The following MAST2 variants were observed in gnomAD, a reference collection of about 807,000 sequenced individuals.
MAST2 encodes the protein microtubule-associated serine/threonine-protein kinase 2.
Under a neutral mutation model 147.4 loss-of-function variants are expected in MAST2, and 70 were observed. The observed-to-expected ratio is 0.47, with a 90% CI of 0.39 to 0.58. The LOEUF (loss-of-function observed/expected upper bound fraction) is 0.58. Ranked by LOEUF, MAST2 falls within the 20% of genes least tolerant of loss-of-function variation. The pLI is 0.00. For missense variants in MAST2, 2,080 were observed against 2,302.3 expected, an observed-to-expected ratio of 0.90 and a Z score of 1.98; for synonymous variants, 869 against 896.8, an observed-to-expected ratio of 0.97 and a Z score of 0.55.
chr1:45,978,728 C>CA (rs2149041299), intron 5 of MAST2, among the ~76,000 whole-genome samples: 1 of 152,242 alleles, frequency 6.6e-6, no homozygotes, highest in African/African-American at 2.4e-5. Flanking sequence ...AACTAGAACA[C>CA]AAACGGACAC....
intron 4 of MAST2, among the ~76,000 whole-genome samples, chr1:45,925,725 G>A (rs1249344571): frequency 1.3e-5 from 2 of 152,132 alleles, no homozygotes; most frequent in Non-Finnish European, 2.9e-5. Context: ...TTTTTATATT[G>A]GAAGCATTCT....
chr1:46,031,159 C>T lies in MAST2; in HGVS notation c.2861C>T (p.Pro954Leu), dbSNP rs769219159. The change falls in exon 23 of 29, where the codon CCA (proline) becomes CTA (leucine). Residue 954 changes from proline (P) to leucine (L), a missense_variant. Around this residue, in one of 4 missense-constraint regions of MAST2, gnomAD observed 1,278 missense variants for 1,304.2 expected, o/e 0.98. Transcript: ENST00000361297. This position sits in a 1 kb window ranked among gnomAD's most constrained non-coding sequence, Gnocchi z 4.1. ...GCCAGCAGCACCCTCAGGAGGCAAC[C>T]ACAGGAGGGTATATGGGTCCTGACA... ...EEASSTLRRQ[P>L]QEGIWVLTPP... 7 of 1,605,874 alleles carry T rather than the reference C, an allele frequency of 4.4e-6. No homozygotes were observed. In the East Asian group the frequency reaches 1.3e-4, roughly 31 times the overall value.
chr1:45,864,229 C>T (rs1468306608), intron 3 of MAST2, among the ~76,000 whole-genome samples: 1 of 152,106 alleles, frequency 6.6e-6, no homozygotes. Flanking sequence ...TCATGCTGTG[C>T]CCTTTTAGAA....
rs1410161525 is a variant in MAST2 at position 46,008,287 on chromosome 1, C to CT, written c.903-3dup. On this transcript the variant is annotated splice_polypyrimidine_tract_variant and intron_variant, in intron 8 of 28. Transcript: ENST00000361297. ...ACTAAAGTAACACAATCATTTCTTT[C>CT]TTTTTTAGTCCCGGACGATCCCCAG... 1 of 1,601,344 alleles carries CT rather than the reference C, an allele frequency of 6.2e-7. No homozygotes were observed. Among genetic ancestry groups the CT allele is most frequent in the African/African-American group, 1.3e-5 (1 of 74,632 alleles).
chr1:45,984,501 C>T lies in MAST2; in HGVS notation c.593-13223C>T, dbSNP rs557217321. Among the ~76,000 whole-genome samples, 7 of 151,796 alleles carry T rather than the reference C, an allele frequency of 4.6e-5. No individual in the cohort carries two copies. In the South Asian group the frequency reaches 1.3e-3, roughly 27 times the overall value. On this transcript the variant is annotated intron_variant, in intron 5 of 28. Coordinates refer to ENST00000361297, the MANE Select transcript of MAST2 (RefSeq NM_015112.3). ...TTTAAATTTTTGTAGAGACAGAGTCCCACTGTGTTGTTGCCCAGGCTGGTC... is the reference window on the plus strand; with the variant it reads ...TTTAAATTTTTGTAGAGACAGAGTCTCACTGTGTTGTTGCCCAGGCTGGTC...
At chr1:45,960,719 A>G (rs1660298203) in intron 5 of MAST2, among the ~76,000 whole-genome samples, 1 of 152,220 alleles carries the variant, frequency 6.6e-6, no homozygotes, top group Admixed American at 6.5e-5. Flanking sequence ...TACACTCTTT[A>G]TAATGGAAGA....
intron 4 of MAST2, among the ~76,000 whole-genome samples, chr1:45,929,535 A>C (rs542353216): frequency 6.6e-6 from 1 of 152,218 alleles, no homozygotes; most frequent in South Asian, 2.1e-4. Context: ...AGACTCTGGG[A>C]CTCTGAGAGG....
At chr1:45,817,793 G>T (rs1235059541) in intron 1 of MAST2, among the ~76,000 whole-genome samples, 1 of 152,186 alleles carries the variant, frequency 6.6e-6, no homozygotes. Flanking sequence ...GTATTAGGTT[G>T]TTGCAAAAGT....
intron 4 of MAST2, chr1:45,917,598 C>T: frequency 8.4e-7 from 1 of 1,186,872 alleles, no homozygotes; most frequent in East Asian, 4.8e-5. Flanking sequence ...AAAACGCATA[C>T]CTTACTCCTT....
intron 5 of MAST2, among the ~76,000 whole-genome samples, chr1:45,984,247 A>C (rs1034050581): frequency 6.6e-6 from 1 of 152,002 alleles, no homozygotes; most frequent in Non-Finnish European, 1.5e-5. Flanking sequence ...CCAACAATGC[A>C]CTTCTTCCAT....
intron 26 of MAST2, 22 bp from the exon 27 acceptor site, chr1:46,033,780 G>A: frequency 6.2e-6 from 10 of 1,612,662 alleles, no homozygotes; most frequent in Non-Finnish European, 8.5e-6. Flanking sequence ...GCTTAGCCTA[G>A]GCCTCATGCT....
At chr1:46,024,896 G>T (rs1210864917) in intron 15 of MAST2, among the ~76,000 whole-genome samples, 2 of 152,208 alleles carry the variant, frequency 1.3e-5, no homozygotes, top group Non-Finnish European at 2.9e-5. Context: ...ATTTACAAAA[G>T]AAAGAGGTTT....
chr1:45,872,443 G>A (rs1646433568), intron 3 of MAST2, among the ~76,000 whole-genome samples: 1 of 151,818 alleles, frequency 6.6e-6, no homozygotes, highest in African/African-American at 2.4e-5. Context: ...GTGCATATAG[G>A]CAGTGAATCC....
chr1:45,957,024 T>A (rs1488096796), intron 4 of MAST2, among the ~76,000 whole-genome samples: 1 of 152,242 alleles, frequency 6.6e-6, no homozygotes, highest in Non-Finnish European at 1.5e-5. Flanking sequence ...TTTTAGCGCA[T>A]GTGTCAGAAC....
chr1:45,945,451 G>C (rs1005335988), intron 4 of MAST2, among the ~76,000 whole-genome samples: 18 of 152,160 alleles, frequency 1.2e-4, no homozygotes, highest in Non-Finnish European at 2.1e-4. Flanking sequence ...TATTGAAAGT[G>C]GGGGGCCTGG....
intron 12 of MAST2, 142 bp downstream of exon 12, chr1:46,022,224 C>G: frequency 1.0e-6 from 1 of 953,198 alleles, no homozygotes; most frequent in East Asian, 2.6e-5. Context: ...AGGAGATACC[C>G]TGTGATCTCT....
chr1:45,899,061 C>T (rs1210896739), intron 4 of MAST2, among the ~76,000 whole-genome samples: 1 of 152,136 alleles, frequency 6.6e-6, no homozygotes, highest in East Asian at 1.9e-4. Context: ...TTGTTCAATT[C>T]TTCCATCAGT....
intron 18 of MAST2, 34 bp downstream of exon 18, chr1:46,028,967 AGAGTCT>A: frequency 6.5e-7 from 1 of 1,527,878 alleles, no homozygotes; most frequent in Non-Finnish European, 8.8e-7. Context: ...GTGGGGAAAC[AGAGTCT>A]GAATCCACAA....
At chr1:45,997,171 G>A (rs766740826) in intron 5 of MAST2, among the ~76,000 whole-genome samples, 1 of 152,110 alleles carries the variant, frequency 6.6e-6, no homozygotes, top group Non-Finnish European at 1.5e-5. Flanking sequence ...AAGAAATGGC[G>A]GTATGCTTTG....
Sources: gnomAD v4.1 joint callset for allele counts (sites outside exome capture counted in the v4.1 genomes callset) on GRCh38, gnomAD v4.1.1 for gene constraint, gnomAD v4.1.1 regional missense constraint, Gnocchi (gnomAD v3.1) non-coding constraint, MANE v1.5 for transcripts, NCBI Gene and HGNC (gene_info 2026-07-23, HGNC 2026-07-21) for gene names.